The following ENOX1 variants were observed in gnomAD, a reference collection of about 807,000 sequenced individuals.
The protein encoded by ENOX1 is candidate growth-related and time keeping constitutive hydroquinone (NADH) oxidase.
A neutral mutation model predicts 82.5 loss-of-function variants in ENOX1; 42 were observed. The observed-to-expected ratio is 0.51, with a 90% CI of 0.40 to 0.66. ENOX1 has a LOEUF of 0.66. Ranked by LOEUF, ENOX1 falls within the 30% of genes least tolerant of loss-of-function variation. The pLI, the probability that ENOX1 is intolerant of heterozygous loss-of-function variation, is 0.00. For missense variants in ENOX1, 608 were observed against 811.6 expected (o/e 0.75, Z 3.05); for synonymous variants, 271 against 282.2 (o/e 0.96, Z 0.40).
At chr13:43,462,517 G>T (rs547017736) in intron 3 of ENOX1, among the ~76,000 whole-genome samples, 21 of 152,280 alleles carry the variant, frequency 1.4e-4, no homozygotes, top group African/African-American at 5.1e-4. Context: ...CTTCTGTAAA[G>T]CGATCTCAAA....
chr13:43,678,566 C>A (rs186147727), intron 1 of ENOX1, among the ~76,000 whole-genome samples: 1 of 152,170 alleles, frequency 6.6e-6, no homozygotes, highest in African/African-American at 2.4e-5. Flanking sequence ...CCATCAGGCA[C>A]AATGGACCAG....
chr13:43,250,035 A>G (rs918314762), intron 14 of ENOX1, among the ~76,000 whole-genome samples: 1 of 152,322 alleles, frequency 6.6e-6, no homozygotes, highest in African/African-American at 2.4e-5. Context: ...TGCTTGGTAG[A>G]TGGCAGGTGC....
At chr13:43,746,886 T>C (rs1449792360) in intron 1 of ENOX1, among the ~76,000 whole-genome samples, 1 of 152,172 alleles carries the variant, frequency 6.6e-6, no homozygotes. Context: ...AAATGCAATC[T>C]GAACTTCAAA....
At chr13:43,784,882 G>C (rs572621079) in intron 1 of ENOX1, among the ~76,000 whole-genome samples, 1 of 152,334 alleles carries the variant, frequency 6.6e-6, no homozygotes, top group Non-Finnish European at 1.5e-5. Flanking sequence ...AGGAATTAAA[G>C]CTGGAAAATG....
chr13:43,699,672 T>C (rs191347424), intron 1 of ENOX1, among the ~76,000 whole-genome samples: 33 of 152,344 alleles, frequency 2.2e-4, no homozygotes, highest in African/African-American at 7.2e-4. Flanking sequence ...ATTTAGGGCT[T>C]GAAGTATATA....
chr13:43,534,150 AAC>A (rs56306329), intron 2 of ENOX1, among the ~76,000 whole-genome samples: 54,526 of 151,878 alleles, frequency 0.36, 11,996 homozygotes, highest in Non-Finnish European at 0.5. Context: ...TCCAACCACA[AAC>A]ACACTTTAGA....
chr13:43,605,334 AAG>A (rs1427045270), intron 2 of ENOX1, among the ~76,000 whole-genome samples: 2 of 152,184 alleles, frequency 1.3e-5, no homozygotes, highest in Non-Finnish European at 2.9e-5. Context: ...GGAACCACAA[AAG>A]ATCCAAAATA....
intron 11 of ENOX1, among the ~76,000 whole-genome samples, chr13:43,301,383 C>T (rs1424453744): frequency 6.6e-6 from 1 of 152,046 alleles, no homozygotes; most frequent in Non-Finnish European, 1.5e-5. Flanking sequence ...AACATAAATA[C>T]ATATAGGAAA....
chr13:43,442,495 C>T (rs2153623553), intron 3 of ENOX1, among the ~76,000 whole-genome samples: 1 of 152,274 alleles, frequency 6.6e-6, no homozygotes, highest in South Asian at 2.1e-4. Context: ...TGCACAGAGA[C>T]ACTGACAGTC....
At chr13:43,214,160 C>G (rs763259404) in intron 16 of ENOX1, 39 bp from the exon 17 acceptor site, 1 of 1,602,308 alleles carries the variant, frequency 6.2e-7, no homozygotes, top group South Asian at 1.1e-5. Context: ...GGGAAAGGAA[C>G]TCATCTTAAA....
intron 3 of ENOX1, among the ~76,000 whole-genome samples, chr13:43,450,653 G>A (rs1039972864): frequency 2.6e-5 from 4 of 152,120 alleles, no homozygotes; most frequent in African/African-American, 7.2e-5. Context: ...ACGGTTCCTA[G>A]TTATGCAGTA....
At chr13:43,257,893 G>C (rs989965278) in intron 14 of ENOX1, among the ~76,000 whole-genome samples, 2 of 152,186 alleles carry the variant, frequency 1.3e-5, no homozygotes, top group African/African-American at 4.8e-5. Flanking sequence ...ATTTCACACA[G>C]CACTGAAATT....
chr13:43,465,572 G>A (rs1198623660), intron 3 of ENOX1, among the ~76,000 whole-genome samples: 3 of 152,078 alleles, frequency 2.0e-5, no homozygotes, highest in South Asian at 2.1e-4. Flanking sequence ...TAGAAACCAC[G>A]GTCTGGGCAC....
chr13:43,628,904 T>G (rs2083086804), intron 2 of ENOX1, among the ~76,000 whole-genome samples: 1 of 152,176 alleles, frequency 6.6e-6, no homozygotes, highest in Non-Finnish European at 1.5e-5. Context: ...TGTGGCCTCC[T>G]CAGACACTGA....
At chr13:43,225,270 G>A (rs2041973336) in intron 15 of ENOX1, among the ~76,000 whole-genome samples, 1 of 152,158 alleles carries the variant, frequency 6.6e-6, no homozygotes, top group African/African-American at 2.4e-5. Flanking sequence ...AGAGGCGGGA[G>A]AGAGGGATGA....
intron 1 of ENOX1, among the ~76,000 whole-genome samples, chr13:43,705,110 T>A (rs299326): frequency 6.6e-6 from 1 of 151,310 alleles, no homozygotes; most frequent in Admixed American, 6.6e-5. Flanking sequence ...ACCTAAAAAA[T>A]TCAGGAAAGG....
Position 43,417,193 on chromosome 13 carries a change from AGGGAGACGGGAGACGGGAGAC to A in ENOX1, c.-74-4226_-74-4206del, listed in dbSNP as rs370036237. Among the ~76,000 whole-genome samples the A allele has an allele frequency of 3.0e-5, 4 of 132,802 alleles. 1 individual carries two copies. The East Asian group carries it at 6.7e-4, about 22-fold the overall frequency. The allele number at this position is 132,802 out of a possible 152,430, so 87.1% of individuals were successfully genotyped here. A position where few individuals can be genotyped will look rare whatever the true frequency, so the allele number is the denominator to read the frequency against. ...CAGTACAGTCCAGCCTCAGCAACAG[AGGGAGACGGGAGACGGGAGAC>A]GGGAGACGGGAGACGGGAGACGGGA... On this transcript the variant is annotated intron_variant, in intron 3 of 16. Coordinates refer to ENST00000690772, the MANE Select transcript of ENOX1 (RefSeq NM_001347969.2).
At chr13:43,474,205 T>A (rs1022070055) in intron 3 of ENOX1, among the ~76,000 whole-genome samples, 1 of 152,102 alleles carries the variant, frequency 6.6e-6, no homozygotes, top group African/African-American at 2.4e-5. Flanking sequence ...GGGTTTTTGT[T>A]GTTGTTGAGG....
chr13:43,370,103 C>T (rs1261514729), intron 5 of ENOX1, among the ~76,000 whole-genome samples: 1 of 152,228 alleles, frequency 6.6e-6, no homozygotes, highest in Admixed American at 6.5e-5. Context: ...CGCGGTGGCT[C>T]ATGCCTGTAA....
Sources: allele counts gnomAD v4.1 joint callset (sites outside exome capture counted in the v4.1 genomes callset), GRCh38; gene constraint gnomAD v4.1.1; transcripts MANE v1.5; gene names NCBI Gene and HGNC (gene_info 2026-07-23, HGNC 2026-07-21).